The following ARRDC5 variants were observed in gnomAD, a reference collection of about 807,000 sequenced individuals.
The protein encoded by ARRDC5 is arrestin domain containing 5, also known as arrestin domain-containing protein 5.
In ARRDC5, 12 loss-of-function variants were observed where a neutral mutation model predicts 13.3. That is an observed-to-expected ratio of 0.90 (90% CI 0.58 to 1.46). The LOEUF (loss-of-function observed/expected upper bound fraction) is 1.46. Among genes scored for constraint, ARRDC5 ranks in the 40% most tolerant of loss-of-function variants. ARRDC5 has a pLI of 0.00. For synonymous variants in ARRDC5, 181 were observed against 173.4 expected (o/e 1.04, Z -0.34); for missense variants, 406 against 418.7 (o/e 0.97, Z 0.26).
chr19:4,896,263 C>T (rs1224615122), intron 2 of ARRDC5, among the ~76,000 whole-genome samples: 11 of 141,864 alleles, frequency 7.8e-5, no homozygotes, highest in African/African-American at 1.3e-4. Context: ...TACAGTGAGC[C>T]GAGATCATGC....
At chr19:4,895,009 C>T (rs1229391979) in intron 2 of ARRDC5, among the ~76,000 whole-genome samples, 2 of 152,148 alleles carry the variant, frequency 1.3e-5, no homozygotes, top group Non-Finnish European at 2.9e-5. Flanking sequence ...GTGAAAGAAC[C>T]TGCTGCCCTA....
At chr19:4,903,928 T>G (rs1372181408), upstream of ARRDC5, among the ~76,000 whole-genome samples, 1 of 152,178 alleles carries the variant, frequency 6.6e-6, no homozygotes, top group African/African-American at 2.4e-5. Flanking sequence ...AGTGTGTGCT[T>G]AATCTGAACA....
At chr19:4,907,355 C>T (rs935789584), upstream of ARRDC5, among the ~76,000 whole-genome samples, 4 of 152,208 alleles carry the variant, frequency 2.6e-5, no homozygotes, top group Middle Eastern at 3.4e-3. Context: ...CTGGAACCTC[C>T]GCTTCCCAGG....
At chr19:4,910,616 T>C in the ARRDC5 span, 1 of 368,946 alleles carries the variant, frequency 2.7e-6, no homozygotes, top group Non-Finnish European at 4.8e-6. Flanking sequence ...GGTTGGACCT[T>C]CTGCTTTTCT....
At chr19:4,910,772 T>G in the ARRDC5 span, 4 of 1,383,366 alleles carry the variant, frequency 2.9e-6, no homozygotes, top group Non-Finnish European at 3.9e-6. Flanking sequence ...GGGAGTTTCC[T>G]GGTGTCCACA....
chr19:4,915,696 C>G, the ARRDC5 span, among the ~76,000 whole-genome samples: 1 of 151,872 alleles, frequency 6.6e-6, no homozygotes, highest in African/African-American at 2.4e-5. Flanking sequence ...GGCGACAGAG[C>G]AAGACTCCGT....
At chr19:4,902,920 T>C (rs2031974370), upstream of ARRDC5, 22 of 1,581,528 alleles carry the variant, frequency 1.4e-5, no homozygotes, top group Non-Finnish European at 1.9e-5. Context: ...ATCTATGACA[T>C]CACTCAGCTC....
chr19:4,903,787 G>A (rs1196711455), upstream of ARRDC5: 1 of 152,226 alleles, frequency 6.6e-6, no homozygotes, highest in Non-Finnish European at 1.5e-5. Flanking sequence ...ACAGTTGTGA[G>A]CCACTGTGCC....
intron 2 of ARRDC5, among the ~76,000 whole-genome samples, chr19:4,893,873 T>A (rs1187054148): frequency 7.9e-6 from 1 of 126,062 alleles, no homozygotes; most frequent in Admixed American, 8.3e-5. Context: ...AAACCCCATC[T>A]CTACTAAAAA....
chr19:4,892,388 A>ATTT (rs143254505), intron 2 of ARRDC5, among the ~76,000 whole-genome samples: 1 of 122,482 alleles, frequency 8.2e-6, no homozygotes, highest in South Asian at 2.6e-4. Flanking sequence ...TGCATCCAGC[A>ATTT]TTTTTTTTTT....
chr19:4,898,010 G>A (rs2031791357), intron 1 of ARRDC5, among the ~76,000 whole-genome samples: 1 of 152,114 alleles, frequency 6.6e-6, no homozygotes, highest in Non-Finnish European at 1.5e-5. Context: ...TAGCTTGAAC[G>A]TGCGAGACGG....
At chr19:4,896,357 TTTTTACACAC>T (rs1473176396) in intron 2 of ARRDC5, among the ~76,000 whole-genome samples, 88 of 96,048 alleles carry the variant, frequency 9.2e-4, no homozygotes, top group Non-Finnish European at 1.2e-3. Context: ...TATTTTTTTT[TTTTTACACAC>T]ACACACACAC....
At chr19:4,911,676 G>A in the ARRDC5 span, among the ~76,000 whole-genome samples, 2 of 152,144 alleles carry the variant, frequency 1.3e-5, no homozygotes, top group African/African-American at 4.8e-5. Context: ...CATTTAAAAT[G>A]TCCCCCTTTG....
intron 2 of ARRDC5, among the ~76,000 whole-genome samples, chr19:4,896,361 TACACACACACAC>T (rs71170877): frequency 3.8e-4 from 32 of 84,952 alleles, no homozygotes; most frequent in African/African-American, 1.4e-3. Context: ...TTTTTTTTTT[TACACACACACAC>T]ACACACACAC....
the ARRDC5 span, among the ~76,000 whole-genome samples, chr19:4,911,556 C>T: frequency 6.6e-6 from 1 of 152,160 alleles, no homozygotes; most frequent in Non-Finnish European, 1.5e-5. Context: ...CAGGAATTTC[C>T]GCCACCCTGA....
At chr19:4,904,311 T>C (rs749811308), upstream of ARRDC5, among the ~76,000 whole-genome samples, 1 of 152,154 alleles carries the variant, frequency 6.6e-6, no homozygotes, top group Non-Finnish European at 1.5e-5. Flanking sequence ...CCCGAGTAGC[T>C]GGGACTACAG....
chr19:4,913,252 CTTT>C, the ARRDC5 span, among the ~76,000 whole-genome samples: 7 of 111,188 alleles, frequency 6.3e-5, no homozygotes, highest in African/African-American at 1.1e-4. Flanking sequence ...GTACATTGTG[CTTT>C]TTTTTTTTTT....
At chr19:4,892,438 C>T (rs568147216) in intron 2 of ARRDC5, among the ~76,000 whole-genome samples, 8 of 146,874 alleles carry the variant, frequency 5.4e-5, no homozygotes, top group Middle Eastern at 3.7e-3. Context: ...ACTCATGGCT[C>T]ACTGCAGACT....
At chr19:4,900,633 C>T (rs1376299217) in intron 1 of ARRDC5, among the ~76,000 whole-genome samples, 1 of 152,132 alleles carries the variant, frequency 6.6e-6, no homozygotes, top group Admixed American at 6.6e-5. Context: ...ATTTGCATGG[C>T]TGGAGTCCCT....
Sources: gnomAD v4.1 joint callset for allele counts (sites outside exome capture counted in the v4.1 genomes callset) on GRCh38, gnomAD v4.1.1 for gene constraint, MANE v1.5 for transcripts, NCBI Gene and HGNC (gene_info 2026-07-23, HGNC 2026-07-21) for gene names.